Variants in HPN observed in about 807,000 individuals in gnomAD.
The protein encoded by HPN is serine protease hepsin.
A neutral mutation model predicts 55.9 loss-of-function variants in HPN; 13 were observed. The ratio of observed to expected loss-of-function variants is 0.23; its 90% CI spans 0.15 to 0.37. The LOEUF (loss-of-function observed/expected upper bound fraction) is 0.37. Ranked by LOEUF, HPN falls within the 10% of genes least tolerant of loss-of-function variation. The pLI, the probability that HPN is intolerant of heterozygous loss-of-function variation, is 1.00. For missense variants in HPN, 451 were observed against 575.8 expected (o/e 0.78, Z 2.22); for synonymous variants, 225 against 240.3 (o/e 0.94, Z 0.59).
Position 35,059,759 on chromosome 19 carries a change from G to A in HPN, c.247G>A (p.Ala83Thr), listed in dbSNP as rs781012945. The stretch of plus-strand genomic sequence containing the variant: ...GCTGCTGTGCTCCTCGCGCTCCAAC[G>A]CCAGGGTAGCCGGACTCAGCTGCGA... ...WRLLCSSRSN[A>T]RVAGLSCEEM... The change falls in exon 5 of 13, where the codon GCC (alanine) becomes ACC (threonine). Residue 83 changes from alanine (A) to threonine (T), a missense_variant. Ala to Thr is a moderately conservative substitution (Grantham distance 58). Around this residue, in one of 2 missense-constraint regions of HPN, gnomAD observed 378 missense variants for 445.5 expected, o/e 0.85. Transcript: ENST00000672452. 18 of 1,590,514 alleles carry A rather than the reference G, an allele frequency of 1.1e-5. 1 individual carries two copies. The highest frequency in any genetic ancestry group is 1.0e-4 in the South Asian group (9 of 87,466).
chr19:35,059,202 C>G (rs1339453952), intron 4 of HPN: 3 of 321,498 alleles, frequency 9.3e-6, no homozygotes, highest in Non-Finnish European at 1.8e-5. Flanking sequence ...GTAATCCCAC[C>G]TGTAATCCCA....
In HPN at chr19:35,051,792, A is replaced by G. The variant is rs528017236; in HGVS notation, c.160+2276A>G. Among the ~76,000 whole-genome samples the G allele has an allele frequency of 9.2e-5, 14 of 152,304 alleles. No homozygotes were observed. The East Asian group carries it at 1.3e-3, about 15-fold the overall frequency. ...GCAGGCCTATGAAGTTAGGGCTGTT[A>G]CATCCCAACATTTTGCATTTGGGGG... On this transcript the variant is annotated intron_variant, in intron 4 of 12. Transcript: ENST00000672452.
chr19:35,046,435 G>C (rs1568355558), intron 2 of HPN, among the ~76,000 whole-genome samples: 2 of 152,028 alleles, frequency 1.3e-5, no homozygotes, highest in Non-Finnish European at 2.9e-5. Context: ...AGTAGAGGCG[G>C]GGTTTCACCA....
Position 35,066,454 on chromosome 19 carries a change from GAGACCA to G in HPN, c.*168_*173del. 1 of 847,976 alleles carries G rather than the reference GAGACCA, an allele frequency of 1.2e-6. No homozygotes were observed. 52.5% of individuals were successfully genotyped at this position (847,976 alleles called of 1,614,324 possible). A position where few individuals can be genotyped will look rare whatever the true frequency, so the allele number is the denominator to read the frequency against. ...CACAGTGGCGGGCCCACTCAGCCCC[GAGACCA>G]CCCAACCTCACCCTCCTGACCCCCA... On this transcript the variant is annotated 3_prime_UTR_variant, in exon 13 of 13. Transcript: ENST00000672452.
At chr19:35,041,689 C>CGA, upstream of HPN, 66 of 385,414 alleles carry the variant, frequency 1.7e-4, no homozygotes, top group Non-Finnish European at 2.3e-4. Flanking sequence ...CCCGCCCCTT[C>CGA]ACCCGCCCCT....
intron 4 of HPN, among the ~76,000 whole-genome samples, chr19:35,052,270 G>A (rs2064412626): frequency 6.6e-6 from 1 of 152,160 alleles, no homozygotes; most frequent in African/African-American, 2.4e-5. Flanking sequence ...GCTCACCCCT[G>A]TAATCCCAGC....
chr19:35,045,540 C>T (rs1235084338), intron 2 of HPN, among the ~76,000 whole-genome samples: 1 of 152,018 alleles, frequency 6.6e-6, no homozygotes, highest in Non-Finnish European at 1.5e-5. Flanking sequence ...TCCAGAGGGG[C>T]CTGGAGAAGC....
chr19:35,063,317 G>T (rs2064558294), intron 9 of HPN, among the ~76,000 whole-genome samples: 1 of 152,260 alleles, frequency 6.6e-6, no homozygotes, highest in Non-Finnish European at 1.5e-5. Flanking sequence ...CCAGGGCCAT[G>T]TTGGGGTTGG....
At chr19:35,060,037 C>G (rs749346031) in intron 6 of HPN, 41 bp downstream of exon 6, 1 of 1,612,336 alleles carries the variant, frequency 6.2e-7, no homozygotes, top group Non-Finnish European at 8.5e-7. Context: ...ACCTCAGACC[C>G]CCAAGGCACT....
intron 4 of HPN, among the ~76,000 whole-genome samples, chr19:35,051,097 A>T (rs1440032793): frequency 6.6e-6 from 1 of 151,138 alleles, no homozygotes; most frequent in East Asian, 1.9e-4. Context: ...TATTTTGTCA[A>T]TAACAAATTA....
chr19:35,047,022 G>T (rs1030682895), intron 2 of HPN, among the ~76,000 whole-genome samples: 1 of 152,086 alleles, frequency 6.6e-6, no homozygotes, highest in Non-Finnish European at 1.5e-5. Flanking sequence ...TAGAGACGGG[G>T]TTTCACCGTG....
chr19:35,050,512 C>T (rs1423120176), intron 4 of HPN: 2 of 1,289,150 alleles, frequency 1.6e-6, no homozygotes, highest in Admixed American at 2.3e-5. Flanking sequence ...AGCTCTTAGA[C>T]TTATCCACTG....
Position 35,050,402 on chromosome 19 carries a change from A to G in HPN, c.160+886A>G, listed in dbSNP as rs560000623. ...CTCCCAAAGTGCTGGGATTACAGGC[A>G]TGAGCCACTGCGCCTGTCCCTGGTA... On this transcript the variant is annotated intron_variant, in intron 4 of 12. Transcript: ENST00000672452. The G allele has an allele frequency of 3.6e-5, 29 of 799,012 alleles. 1 individual carries two copies. In the East Asian group the frequency reaches 4.5e-4, roughly 13 times the overall value. The allele number at this position is 799,012 out of a possible 1,614,324, so 49.5% of individuals were successfully genotyped here.
Position 35,066,496 on chromosome 19 carries a change from G to A in HPN, c.*209G>A, listed in dbSNP as rs911992428. 4.7e-5 allele frequency: 29 copies of A among 614,128 alleles called. No individual in the cohort carries two copies. Among genetic ancestry groups the A allele is most frequent in the Non-Finnish European group, 7.9e-5 (28 of 355,176 alleles). 38.0% of individuals were successfully genotyped at this position (614,128 alleles called of 1,614,324 possible). ...CCCTCCTGACCCCCATGTAAATATT[G>A]TTCTGCTGTCTGGGACTCCTGTCTA... On this transcript the variant is annotated 3_prime_UTR_variant, in exon 13 of 13. Coordinates refer to ENST00000672452, the MANE Select transcript of HPN (RefSeq NM_001384133.1).
intron 2 of HPN, among the ~76,000 whole-genome samples, chr19:35,046,135 C>T (rs1006439727): frequency 6.6e-6 from 1 of 152,164 alleles, no homozygotes; most frequent in African/African-American, 2.4e-5. Context: ...GAGAACCCCT[C>T]GCAGGACAGG....
intron 2 of HPN, among the ~76,000 whole-genome samples, chr19:35,042,814 G>A (rs1167611691): frequency 6.6e-6 from 1 of 152,178 alleles, no homozygotes; most frequent in African/African-American, 2.4e-5. Context: ...CTCTGCTGGG[G>A]CTGAGGCGGG....
intron 4 of HPN, among the ~76,000 whole-genome samples, chr19:35,057,864 T>G (rs1288911380): frequency 6.6e-6 from 1 of 152,124 alleles, no homozygotes; most frequent in Non-Finnish European, 1.5e-5. Flanking sequence ...AAATACATAT[T>G]TTAAGGCCGG....
chr19:35,042,603 T>C (rs2064305232), intron 2 of HPN, 81 bp downstream of exon 2: 1 of 1,220,828 alleles, frequency 8.2e-7, no homozygotes, highest in African/African-American at 1.5e-5. Flanking sequence ...CCTCTACTCT[T>C]CGGAGCCCCC....
intron 4 of HPN, among the ~76,000 whole-genome samples, chr19:35,051,908 C>G (rs923163151): frequency 1.3e-5 from 2 of 152,176 alleles, no homozygotes; most frequent in African/African-American, 4.8e-5. Flanking sequence ...TCAAAAGCCC[C>G]TCCGTGACAA....
Sources: gnomAD v4.1 joint callset for allele counts (sites outside exome capture counted in the v4.1 genomes callset) on GRCh38, gnomAD v4.1.1 for gene constraint, gnomAD v4.1.1 regional missense constraint, MANE v1.5 for transcripts, NCBI Gene and HGNC (gene_info 2026-07-23, HGNC 2026-07-21) for gene names.